PLCH1: variants seen among roughly 807,000 people sequenced by gnomAD.
PLCH1 encodes phospholipase C eta 1.
PLCH1 carries 60 observed loss-of-function variants against 126.7 expected under a neutral mutation model. The observed-to-expected ratio is 0.47, with a 90% CI of 0.38 to 0.59. The LOEUF is 0.59. PLCH1 is among the 20% of genes least tolerant of loss of function. The pLI is 0.00. For missense variants in PLCH1, 1,723 were observed against 2,040.0 expected (o/e 0.84, Z 2.99); for synonymous variants, 719 against 734.9 (o/e 0.98, Z 0.35).
At chr3:155,494,103 C>T (rs565042242) in intron 17 of PLCH1, 38 bp downstream of exon 17, 1 of 1,478,494 alleles carries the variant, frequency 6.8e-7, no homozygotes, top group African/African-American at 1.4e-5. Flanking sequence ...ATGAAATTAA[C>T]ACACACCTGC....
intron 10 of PLCH1, among the ~76,000 whole-genome samples, chr3:155,536,450 A>G (rs1257828103): frequency 6.6e-6 from 1 of 152,224 alleles, no homozygotes; most frequent in African/African-American, 2.4e-5. Context: ...ATGAAAAAAT[A>G]TCCAGAGAAA....
At chr3:155,565,760 A>G (rs1274750913) in intron 7 of PLCH1, among the ~76,000 whole-genome samples, 5 of 148,346 alleles carry the variant, frequency 3.4e-5, no homozygotes, top group Non-Finnish European at 7.4e-5. Context: ...CAATGGCACG[A>G]TCTTGGCTCA....
intron 2 of PLCH1, among the ~76,000 whole-genome samples, chr3:155,700,166 T>C (rs969566657): frequency 6.6e-6 from 1 of 152,204 alleles, no homozygotes; most frequent in African/African-American, 2.4e-5. Context: ...GGATTAGAAC[T>C]AGTCTTCAGG....
chr3:155,497,447 A>AT, intron 14 of PLCH1, 30 bp from the exon 15 acceptor site: 1 of 1,490,492 alleles, frequency 6.7e-7, no homozygotes, highest in South Asian at 1.1e-5. Context: ...GATGCATGAC[A>AT]TTTTGGAGTT....
At chr3:155,486,202 C>T (rs914897060) in intron 21 of PLCH1, 122 of 1,542,232 alleles carry the variant, frequency 7.9e-5, no homozygotes, top group Non-Finnish European at 1.0e-4. Context: ...TATTAAAGGG[C>T]TCCACTGTAA....
chr3:155,740,886 T>C (rs771146467), intron 1 of PLCH1, among the ~76,000 whole-genome samples: 24 of 152,296 alleles, frequency 1.6e-4, no homozygotes, highest in Non-Finnish European at 2.5e-4. Context: ...ACGATACATA[T>C]GGTAGATTTA....
At chr3:155,606,410 A>C (rs952351502) in intron 2 of PLCH1, among the ~76,000 whole-genome samples, 2 of 152,204 alleles carry the variant, frequency 1.3e-5, no homozygotes, top group Admixed American at 6.5e-5. Flanking sequence ...GCATTGCATC[A>C]CTTGATCTTT....
chr3:155,645,193 AC>A (rs1316831446), intron 2 of PLCH1, among the ~76,000 whole-genome samples: 1 of 152,036 alleles, frequency 6.6e-6, no homozygotes, highest in Non-Finnish European at 1.5e-5. Flanking sequence ...ATTCTCCATG[AC>A]CCTCACCTTT....
At chr3:155,654,826 C>T (rs1359510766) in intron 2 of PLCH1, among the ~76,000 whole-genome samples, 1 of 152,122 alleles carries the variant, frequency 6.6e-6, no homozygotes, top group South Asian at 2.1e-4. Flanking sequence ...CCTACCATTG[C>T]CCCACTTAAT....
chr3:155,652,367 T>A (rs1740807483), intron 2 of PLCH1, among the ~76,000 whole-genome samples: 1 of 152,196 alleles, frequency 6.6e-6, no homozygotes, highest in African/African-American at 2.4e-5. Context: ...AAGATTATTA[T>A]CCACCAGAGT....
intron 12 of PLCH1, 140 bp downstream of exon 12, chr3:155,514,582 CA>C: frequency 1.9e-6 from 1 of 527,838 alleles, no homozygotes; most frequent in Non-Finnish European, 3.1e-6. Flanking sequence ...TATCATTTTG[CA>C]ATAAGAGATT....
intron 2 of PLCH1, among the ~76,000 whole-genome samples, chr3:155,700,974 A>G (rs1480273527): frequency 6.6e-6 from 1 of 152,216 alleles, no homozygotes; most frequent in Non-Finnish European, 1.5e-5. Flanking sequence ...TGATAGGTGC[A>G]AATTCCTTTG....
At chr3:155,646,965 A>G (rs957514169) in intron 2 of PLCH1, among the ~76,000 whole-genome samples, 7 of 152,200 alleles carry the variant, frequency 4.6e-5, no homozygotes, top group African/African-American at 1.2e-4. Flanking sequence ...ATGAAGTCCA[A>G]TTCCCCACCC....
At chr3:155,601,503 C>T (rs907567693) in intron 2 of PLCH1, among the ~76,000 whole-genome samples, 1 of 151,698 alleles carries the variant, frequency 6.6e-6, no homozygotes, top group African/African-American at 2.4e-5. Flanking sequence ...TACATATATA[C>T]ATATATATGA....
intron 21 of PLCH1, among the ~76,000 whole-genome samples, chr3:155,469,848 G>C (rs1713112750): frequency 6.6e-6 from 1 of 152,082 alleles, no homozygotes; most frequent in Non-Finnish European, 1.5e-5. Flanking sequence ...TATTCCAATA[G>C]ACCTGCAGCT....
In PLCH1 at chr3:155,740,244, C is replaced by T. The variant is rs578152843; in HGVS notation, c.-41+4596G>A. 4.6e-5 allele frequency among the ~76,000 whole-genome samples: 7 copies of T among 152,176 alleles called. No individual in the cohort carries two copies. The East Asian group carries it at 1.2e-3, about 25-fold the overall frequency. ...TGGCCAACATGGCAAAACCCCATCT[C>T]TACTAAAAATACAAAAATTAGCCGG... is the stretch of plus-strand genomic sequence containing the variant. On this transcript the variant is annotated intron_variant, in intron 1 of 22. Coordinates refer to ENST00000460012, the MANE Select transcript of PLCH1 (RefSeq NM_014996.4).
At chr3:155,578,874 C>T (rs1418408179) in intron 6 of PLCH1, among the ~76,000 whole-genome samples, 1 of 152,126 alleles carries the variant, frequency 6.6e-6, no homozygotes, top group Non-Finnish European at 1.5e-5. Flanking sequence ...TCTGAGCTTC[C>T]CCTGAAGCAG....
At chr3:155,578,136 G>C (rs1730215032) in intron 6 of PLCH1, among the ~76,000 whole-genome samples, 1 of 152,196 alleles carries the variant, frequency 6.6e-6, no homozygotes, top group South Asian at 2.1e-4. Context: ...GGATGGAGAA[G>C]TAGTTATATA....
At chr3:155,607,103 T>A (rs1301359301) in intron 2 of PLCH1, among the ~76,000 whole-genome samples, 4 of 152,200 alleles carry the variant, frequency 2.6e-5, no homozygotes, top group Non-Finnish European at 5.9e-5. Flanking sequence ...AAATCCTCTA[T>A]CTTGTTTGAT....
Sources: gnomAD v4.1 joint callset for allele counts (sites outside exome capture counted in the v4.1 genomes callset) on GRCh38, gnomAD v4.1.1 for gene constraint, MANE v1.5 for transcripts, NCBI Gene and HGNC (gene_info 2026-07-23, HGNC 2026-07-21) for gene names.